Variants in FANCD2 observed in about 807,000 individuals in gnomAD.
FANCD2 encodes FA complementation group D2.
FANCD2 carries 131 observed loss-of-function variants against 192.3 expected under a neutral mutation model. The observed-to-expected ratio is 0.68, with a 90% CI of 0.59 to 0.79. The LOEUF (loss-of-function observed/expected upper bound fraction) is 0.79, where lower values mean the gene tolerates loss of function less well. Ranked by LOEUF, FANCD2 falls within the 30% of genes least tolerant of loss-of-function variation. The pLI, the probability that FANCD2 is intolerant of heterozygous loss-of-function variation, is 0.00. For synonymous variants in FANCD2, 524 were observed against 612.5 expected, an observed-to-expected ratio of 0.86 and a Z score of 2.13; for missense variants, 1,508 against 1,701.6, an observed-to-expected ratio of 0.89 and a Z score of 2.00.
intron 10 of FANCD2, among the ~76,000 whole-genome samples, chr3:10,042,155 C>T (rs1039320850): frequency 1.3e-5 from 2 of 152,126 alleles, no homozygotes; most frequent in Admixed American, 1.3e-4. Context: ...CTCGGCCTCC[C>T]AAAGTGCTGG....
Position 10,088,496 on chromosome 3 carries a change from A to G in FANCD2, c.3514A>G (p.Lys1172Glu), listed in dbSNP as rs1694374113. The G allele has an allele frequency of 6.2e-7, 1 of 1,612,872 alleles. No individual in the cohort carries two copies. Among genetic ancestry groups the G allele is most frequent in the Admixed American group, 1.7e-5 (1 of 60,002 alleles). ...FLCRVWPSGD[K>E]EKSNISNDQL... ...CTGTCGGGTGTGGCCAAGTGGGGAT[A>G]AAGAGAAGAGCAACATCTCTAATGA... is the stretch of plus-strand genomic sequence containing the variant. Residue 1172 changes from lysine (K) to glutamate (E), a missense_variant, in exon 35 of 44, where the codon AAA (lysine) becomes GAA (glutamate). Coordinates refer to ENST00000675286, the MANE Select transcript of FANCD2 (RefSeq NM_001018115.3).
At chr3:10,063,695 A>C (rs1367131036) in intron 20 of FANCD2, 97 bp from the exon 21 acceptor site, 1 of 1,524,524 alleles carries the variant, frequency 6.6e-7, no homozygotes, top group South Asian at 1.1e-5. Context: ...CTTTGCCAGT[A>C]AAATCAGAAA....
chr3:10,035,382 G>A (rs2086702868), intron 6 of FANCD2, 149 bp downstream of exon 6: 1 of 714,166 alleles, frequency 1.4e-6, no homozygotes, highest in African/African-American at 1.7e-5. Context: ...GCTGTGATGG[G>A]TTTGGTAGGG....
At chr3:10,074,505 C>T (rs950892190) in intron 28 of FANCD2, 25 bp from the exon 29 acceptor site, 3 of 1,603,990 alleles carry the variant, frequency 1.9e-6, no homozygotes, top group African/African-American at 2.7e-5. Context: ...TATATATTCT[C>T]TTTGTTGCTG....
At chr3:10,084,018 G>A (rs891296103) in intron 32 of FANCD2, among the ~76,000 whole-genome samples, 1 of 151,608 alleles carries the variant, frequency 6.6e-6, no homozygotes, top group Non-Finnish European at 1.5e-5. Flanking sequence ...GTGAGAGACA[G>A]AGTCTCACTC....
intron 1 of FANCD2, among the ~76,000 whole-genome samples, chr3:10,028,080 T>C (rs2086501070): frequency 6.6e-6 from 1 of 151,634 alleles, no homozygotes; most frequent in Non-Finnish European, 1.5e-5. Context: ...TTCAAGGAGA[T>C]TGTCCCTAAG....
chr3:10,068,928 C>T (rs1392716830), intron 26 of FANCD2, among the ~76,000 whole-genome samples: 1 of 152,192 alleles, frequency 6.6e-6, no homozygotes, highest in African/African-American at 2.4e-5. Context: ...GTTGGGAAAA[C>T]TGGATATCCA....
At chr3:10,088,650 A>G in intron 35 of FANCD2, 108 bp downstream of exon 35, 2 of 1,083,202 alleles carry the variant, frequency 1.8e-6, no homozygotes, top group Non-Finnish European at 1.4e-6. Flanking sequence ...TTTGAAAACA[A>G]TGAAGTAGGT....
In FANCD2 at chr3:10,101,372, T is replaced by G; in HGVS notation, c.*110T>G. 1.3e-4 allele frequency: 84 copies of G among 652,858 alleles called. No individual in the cohort carries two copies. Among genetic ancestry groups the G allele is most frequent in the East Asian group, 1.8e-4 (6 of 33,600 alleles). The allele number at this position is 652,858 out of a possible 1,614,324, so 40.4% of individuals were successfully genotyped here. ...TTCTTACTGGTAGGATCCTTTTTTG[T>G]TCCTCTTTTTTTTTTTTTTTTTTTT... On this transcript the variant is annotated 3_prime_UTR_variant, in exon 44 of 44. Transcript: ENST00000675286.
chr3:10,094,863 C>T (rs1465505257), intron 40 of FANCD2: 1 of 381,766 alleles, frequency 2.6e-6, no homozygotes. Context: ...ACAAAATACT[C>T]ACCATATTTG....
intron 30 of FANCD2, 62 bp downstream of exon 30, chr3:10,078,259 T>A: frequency 8.6e-7 from 1 of 1,156,464 alleles, no homozygotes; most frequent in Non-Finnish European, 1.3e-6. Context: ...GGAGGTATTA[T>A]GATGAAAAAG....
At chr3:10,096,236 G>GT in intron 41 of FANCD2, 90 bp from the exon 42 acceptor site, 2 of 1,380,652 alleles carry the variant, frequency 1.4e-6, no homozygotes, top group African/African-American at 2.8e-5. Flanking sequence ...CAGGGCTTGT[G>GT]TTCTTATTCA....
chr3:10,092,684 CTTTTTTTT>C (rs565351425), intron 38 of FANCD2, among the ~76,000 whole-genome samples: 6 of 72,060 alleles, frequency 8.3e-5, no homozygotes, highest in African/African-American at 3.6e-4. Flanking sequence ...TCTTTCATGT[CTTTTTTTT>C]TTTTTTTTTT....
At chr3:10,056,281 T>G (rs550139381) in intron 18 of FANCD2, among the ~76,000 whole-genome samples, 4 of 152,346 alleles carry the variant, frequency 2.6e-5, no homozygotes, top group East Asian at 3.9e-4. Context: ...GCTGTGACCA[T>G]TGGTTTACAA....
At position 10,062,137 on chromosome 3, in the gene FANCD2, T is replaced by C; in HGVS notation, c.1767-14T>C. 6.3e-7 allele frequency: 1 copy of C among 1,599,942 alleles called. No individual in the cohort carries two copies. The highest frequency in any genetic ancestry group is 8.5e-7 in the Non-Finnish European group (1 of 1,169,906). ...AGTATAATAATAATTTAAAAAAAAATTCTTTGTTTTTAGAAGTGAATCACC... is the reference window on the plus strand; with the variant it reads ...AGTATAATAATAATTTAAAAAAAAACTCTTTGTTTTTAGAAGTGAATCACC... On this transcript the variant is annotated splice_polypyrimidine_tract_variant and intron_variant, in intron 19 of 43. Coordinates refer to ENST00000675286, the MANE Select transcript of FANCD2 (RefSeq NM_001018115.3).
intron 29 of FANCD2, among the ~76,000 whole-genome samples, chr3:10,075,170 C>T (rs1483175744): frequency 1.3e-5 from 2 of 150,916 alleles, no homozygotes; most frequent in African/African-American, 4.9e-5. Flanking sequence ...AATACGGTAG[C>T]TTTATTATTA....
At position 10,063,885 on chromosome 3, in the gene FANCD2, C is replaced by G. The variant is rs765128164; in HGVS notation, c.1921C>G (p.His641Asp). 6.2e-7 allele frequency: 1 copy of G among 1,614,256 alleles called. No homozygotes were observed. Among genetic ancestry groups the G allele is most frequent in the Non-Finnish European group, 8.5e-7 (1 of 1,180,042 alleles). Residue 641 changes from histidine (H) to aspartate (D), a missense_variant, in exon 21 of 44, where the codon CAT (histidine) becomes GAT (aspartate). This residue lies in a region of FANCD2 where 59 missense variants were observed against 111.9 expected (regional missense o/e 0.53). Transcript: ENST00000675286. Reference sequence around the variant, plus strand: ...TGATGAATTTGCCAACCTGATCCAACATGAAAAGCTGGATCCAAAAGCCCT... The same window carrying G: ...TGATGAATTTGCCAACCTGATCCAAGATGAAAAGCTGGATCCAAAAGCCCT... ...YYDEFANLIQHEKLDPKALEW... is the reference protein window; with the variant it reads ...YYDEFANLIQDEKLDPKALEW...
At chr3:10,055,559 T>G (rs1363204747) in intron 18 of FANCD2, among the ~76,000 whole-genome samples, 1 of 152,184 alleles carries the variant, frequency 6.6e-6, no homozygotes, top group Non-Finnish European at 1.5e-5. Flanking sequence ...ACGCCTGTAA[T>G]CCCAGCACTT....
chr3:10,069,875 G>A (rs1436137600), intron 26 of FANCD2, among the ~76,000 whole-genome samples: 3 of 151,584 alleles, frequency 2.0e-5, no homozygotes, highest in East Asian at 2.0e-4. Flanking sequence ...GCCTCTGCCC[G>A]GCCGCCACCC....
Sources: gnomAD v4.1 joint callset for allele counts (sites outside exome capture counted in the v4.1 genomes callset) on GRCh38, gnomAD v4.1.1 for gene constraint, gnomAD v4.1.1 regional missense constraint, MANE v1.5 for transcripts, NCBI Gene and HGNC (gene_info 2026-07-23, HGNC 2026-07-21) for gene names.